Variants in CD5 observed in about 807,000 individuals in gnomAD.
CD5 encodes the protein T-cell surface glycoprotein CD5.
In CD5, 36 loss-of-function variants were observed where a neutral mutation model predicts 60.3. The ratio of observed to expected loss-of-function variants is 0.60; its 90% CI spans 0.46 to 0.79. The LOEUF (loss-of-function observed/expected upper bound fraction) is 0.79, where lower values mean the gene tolerates loss of function less well. Ranked by LOEUF, CD5 falls within the 30% of genes least tolerant of loss-of-function variation. CD5 has a pLI of 0.00. For missense variants in CD5, 540 were observed against 630.6 expected (o/e 0.86, Z 1.54); for synonymous variants, 230 against 257.6 (o/e 0.89, Z 1.03).
chr11:61,117,086 A>C (rs1860977640), intron 2 of CD5, among the ~76,000 whole-genome samples: 1 of 152,264 alleles, frequency 6.6e-6, no homozygotes, highest in Non-Finnish European at 1.5e-5. Flanking sequence ...GAAACAAATC[A>C]AATGGTGAAT....
intron 6 of CD5, 101 bp from the exon 7 acceptor site, chr11:61,122,806 T>A: frequency 7.8e-7 from 1 of 1,284,578 alleles, no homozygotes; most frequent in Non-Finnish European, 1.1e-6. Context: ...ATTTCTCAGA[T>A]GAGCAAGGAT....
At chr11:61,123,811 A>AAGCCCC in intron 7 of CD5, 73 bp from the exon 8 acceptor site, 1 of 262,112 alleles carries the variant, frequency 3.8e-6, no homozygotes, top group Non-Finnish European at 7.1e-6. Context: ...GCCCAGCCCC[A>AAGCCCC]TCCCCACCCC....
In CD5 at chr11:61,123,025, G is replaced by A. The variant is rs1861092025; in HGVS notation, c.1218G>A (p.Val406=). The change falls in exon 7 of 11, where the codon GTG becomes GTA. Residue 406 remains valine (V), a synonymous_variant. Transcript: ENST00000347785. ...GCCCCCTTGCCTACAAGAAGCTAGT[G>A]AAGAAATGTAGGTGTCACGGCCCTG... The part of the protein sequence containing the change: ...VCGPLAYKKL[V]KKFRQKKQRQ... 1.2e-6 allele frequency: 2 copies of A among 1,611,952 alleles called. No individual in the cohort carries two copies. Among genetic ancestry groups the A allele is most frequent in the East Asian group, 2.2e-5 (1 of 44,774 alleles).
rs754316247 is a variant in CD5, at chr11:61,121,646, G to A, written c.841G>A (p.Gly281Ser). 6.5e-7 allele frequency: 1 copy of A among 1,543,926 alleles called. No homozygotes were observed. Among genetic ancestry groups the A allele is most frequent in the Admixed American group, 1.8e-5 (1 of 55,322 alleles). The change falls in exon 6 of 11, where the codon GGC becomes AGC. Residue 281 changes from glycine to serine, a missense_variant. Coordinates refer to ENST00000347785, the MANE Select transcript of CD5 (RefSeq NM_014207.4). ...QPKVQSRLVG[G>S]SSICEGTVEV... is the part of the protein sequence containing the mutation. ...CAAGGTGCAGAGCCGTCTGGTGGGG[G>A]GCAGCAGCATCTGTGAAGGCACCGT...
upstream of CD5, among the ~76,000 whole-genome samples, chr11:61,099,456 T>TACAC (rs1565180603): frequency 9.8e-5 from 3 of 30,606 alleles, no homozygotes; most frequent in African/African-American, 1.6e-4. Context: ...ACATGGAGAT[T>TACAC]ACACATACAT....
At chr11:61,109,043 C>T (rs1347985654) in intron 1 of CD5, among the ~76,000 whole-genome samples, 1 of 152,186 alleles carries the variant, frequency 6.6e-6, no homozygotes, top group Admixed American at 6.5e-5. Flanking sequence ...GAGGCAGGGG[C>T]CAGGAGTGCA....
upstream of CD5, among the ~76,000 whole-genome samples, chr11:61,098,788 T>C (rs759514948): frequency 2.0e-5 from 3 of 152,194 alleles, no homozygotes; most frequent in Non-Finnish European, 4.4e-5. Flanking sequence ...AATAAACCCC[T>C]TCTTTCTTTA....
At chr11:61,108,613 A>G (rs1860807381) in intron 1 of CD5, among the ~76,000 whole-genome samples, 1 of 152,222 alleles carries the variant, frequency 6.6e-6, no homozygotes, top group African/African-American at 2.4e-5. Context: ...CAAGTCAGCC[A>G]ACATATAGGA....
chr11:61,110,334 A>C (rs1197685371), intron 1 of CD5, among the ~76,000 whole-genome samples: 1 of 152,206 alleles, frequency 6.6e-6, no homozygotes, highest in Non-Finnish European at 1.5e-5. Context: ...CAGCTGCTGA[A>C]ATCCATCAGG....
rs776232928 is a variant in CD5, at chr11:61,125,152, G to A, written c.1399+1G>A. ...AACTCCCACCTGTCAGCTTATCCAG[G>A]TAAGCACCAGCGGGTGCTCCCAGGC... On this transcript the variant is annotated splice_donor_variant, in intron 9 of 10. Coordinates refer to ENST00000347785, the MANE Select transcript of CD5 (RefSeq NM_014207.4). LOFTEE classifies it high-confidence loss of function. 6.2e-7 allele frequency: 1 copy of A among 1,613,928 alleles called. No individual in the cohort carries two copies. Among genetic ancestry groups the A allele is most frequent in the Non-Finnish European group, 8.5e-7 (1 of 1,179,884 alleles).
the CD5 span, among the ~76,000 whole-genome samples, chr11:61,095,050 C>A: frequency 6.6e-6 from 1 of 152,138 alleles, no homozygotes; most frequent in Non-Finnish European, 1.5e-5. Context: ...AAGGAAGGTT[C>A]TCGATCCCAC....
At chr11:61,126,096 CAG>C (rs1861145439) in intron 10 of CD5, among the ~76,000 whole-genome samples, 190 bp from the exon 11 acceptor site, 1 of 152,244 alleles carries the variant, frequency 6.6e-6, no homozygotes, top group African/African-American at 2.4e-5. Context: ...GCCACACAGG[CAG>C]AGTCCCTAAG....
intron 2 of CD5, among the ~76,000 whole-genome samples, chr11:61,117,439 G>T (rs535444992): frequency 1.3e-5 from 2 of 152,196 alleles, no homozygotes; most frequent in African/African-American, 4.8e-5. Flanking sequence ...AAATTCCATC[G>T]AACAGTATCC....
intron 1 of CD5, among the ~76,000 whole-genome samples, chr11:61,112,941 G>A (rs1860879511): frequency 6.6e-6 from 1 of 152,198 alleles, no homozygotes; most frequent in Non-Finnish European, 1.5e-5. Flanking sequence ...CTTTTTCAAA[G>A]CACACCTATT....
chr11:61,111,882 G>A (rs187311917), intron 1 of CD5, among the ~76,000 whole-genome samples: 27 of 152,298 alleles, frequency 1.8e-4, no homozygotes, highest in East Asian at 5.8e-4. Flanking sequence ...CCTTTACACC[G>A]ATTAGCTCAT....
Position 61,119,499 on chromosome 11 carries a change from C to T in CD5, c.729C>T (p.Ser243=). The T allele has an allele frequency of 6.2e-7, 1 of 1,614,148 alleles. No homozygotes were observed. The highest frequency in any genetic ancestry group is 8.5e-7 in the Non-Finnish European group (1 of 1,180,032). ...TCCAATGGAAGATCCAGAACTCAAGCTGTACCTCCCTGGAGCATTGCTTCA... is the reference window on the plus strand; with the variant it reads ...TCCAATGGAAGATCCAGAACTCAAGTTGTACCTCCCTGGAGCATTGCTTCA... The part of the protein sequence containing the change: ...LPIQWKIQNS[S]CTSLEHCFRK... The change falls in exon 5 of 11, where the codon AGC becomes AGT. Residue 243 remains serine, a synonymous_variant. Transcript: ENST00000347785.
chr11:61,102,356 C>G, upstream of CD5: 1 of 591,624 alleles, frequency 1.7e-6, no homozygotes, highest in Non-Finnish European at 3.0e-6. Flanking sequence ...GCCATTCAAA[C>G]AGGGGCAGGT....
chr11:61,110,703 T>C (rs2134597831), intron 1 of CD5, among the ~76,000 whole-genome samples: 1 of 152,326 alleles, frequency 6.6e-6, no homozygotes, highest in Admixed American at 6.5e-5. Context: ...CAGCACTCAT[T>C]AGCTGCTTGG....
chr11:61,106,523 TGAAGGGACCTGGGGGCCCAG>T (rs1212533780), intron 1 of CD5, among the ~76,000 whole-genome samples: 1 of 152,118 alleles, frequency 6.6e-6, no homozygotes, highest in Non-Finnish European at 1.5e-5. Context: ...CAGCAGGGAA[TGAAGGGACCTGGGGGCCCAG>T]GAAGGGACCT....
Sources: allele counts gnomAD v4.1 joint callset (sites outside exome capture counted in the v4.1 genomes callset), GRCh38; gene constraint gnomAD v4.1.1; transcripts MANE v1.5; gene names NCBI Gene and HGNC (gene_info 2026-07-23, HGNC 2026-07-21).